Variants in KIF13B observed in about 807,000 individuals in gnomAD.
The protein encoded by KIF13B is kinesin family member 13B, also known as kinesin-like protein KIF13B.
A neutral mutation model predicts 222.0 loss-of-function variants in KIF13B; 127 were observed. The observed-to-expected ratio is 0.57, with a 90% CI of 0.50 to 0.66. The LOEUF is 0.66. Ranked by LOEUF, KIF13B falls within the 30% of genes least tolerant of loss-of-function variation. The probability of loss-of-function intolerance (pLI) is 0.00; values close to 1 mark genes in which losing one functional copy is unlikely to be tolerated. For synonymous variants in KIF13B, 976 were observed against 919.0 expected (o/e 1.06, Z -1.12); for missense variants, 2,173 against 2,379.0 (o/e 0.91, Z 1.80).
Position 29,068,539 on chromosome 8 carries a change from C to T in KIF13B, c.*1965G>A, listed in dbSNP as rs1260854107. Reference sequence around the variant, plus strand: ...CAAACCGATGGTAAAAAGCACGACACACACGTCCCCCAGGACTTTCCCAAG... The same window carrying T: ...CAAACCGATGGTAAAAAGCACGACATACACGTCCCCCAGGACTTTCCCAAG... On this transcript the variant is annotated 3_prime_UTR_variant, in exon 40 of 40. Transcript: ENST00000524189. This position sits in a 1 kb window ranked among gnomAD's most constrained non-coding sequence, Gnocchi z 4.4. The T allele has an allele frequency of 6.6e-6, 1 of 152,450 alleles. No individual in the cohort carries two copies. Among genetic ancestry groups the T allele is most frequent in the Non-Finnish European group, 1.5e-5 (1 of 68,114 alleles). The allele number at this position is 152,450 out of a possible 1,614,324, so 9.4% of individuals were successfully genotyped here. A position where few individuals can be genotyped will look rare whatever the true frequency, so the allele number is the denominator to read the frequency against.
chr8:29,204,536 T>C (rs1813842032), intron 2 of KIF13B, among the ~76,000 whole-genome samples: 1 of 152,174 alleles, frequency 6.6e-6, no homozygotes, highest in Non-Finnish European at 1.5e-5. Context: ...GACCCCCATC[T>C]CTATAAAAAT....
chr8:29,248,883 A>G (rs1816157588), intron 1 of KIF13B, among the ~76,000 whole-genome samples: 1 of 152,214 alleles, frequency 6.6e-6, no homozygotes, highest in South Asian at 2.1e-4. Context: ...CCAAGGAGTG[A>G]CTGCTAACAG....
intron 7 of KIF13B, among the ~76,000 whole-genome samples, 166 bp downstream of exon 7, chr8:29,181,753 C>T (rs568477292): frequency 1.3e-5 from 2 of 152,224 alleles, no homozygotes; most frequent in East Asian, 3.9e-4. Context: ...TATATTTATT[C>T]GCTTGTCTGT....
chr8:29,253,549 C>T (rs900696402), intron 1 of KIF13B, among the ~76,000 whole-genome samples: 3 of 151,978 alleles, frequency 2.0e-5, no homozygotes, highest in Non-Finnish European at 2.9e-5. Flanking sequence ...GAATGAGACT[C>T]CATCTCTAAA....
Position 29,132,369 on chromosome 8 carries a change from TC to T in KIF13B, c.2880del (p.Asn962ThrfsTer24). 1 of 1,594,070 alleles carries T rather than the reference TC, an allele frequency of 6.3e-7. No individual in the cohort carries two copies. The highest frequency in any genetic ancestry group is 8.6e-7 in the Non-Finnish European group (1 of 1,169,322). ...CCCAAATCCCACAGGGCGGGGTTTTTCCGGGGATCGTTTATTTTATGTCCAT... is the reference window on the plus strand; with the variant it reads ...CCCAAATCCCACAGGGCGGGGTTTTTCGGGGATCGTTTATTTTATGTCCAT... ...EVYGHKINDP[R>X]KNPALWDLGI... On this transcript the variant is annotated frameshift_variant, in exon 23 of 40. Coordinates refer to ENST00000524189, the MANE Select transcript of KIF13B (RefSeq NM_015254.4). LOFTEE classifies it high-confidence loss of function.
intron 2 of KIF13B, among the ~76,000 whole-genome samples, chr8:29,222,328 C>G (rs1814790676): frequency 6.6e-6 from 1 of 152,100 alleles, no homozygotes; most frequent in Non-Finnish European, 1.5e-5. Flanking sequence ...GCACTGCACT[C>G]CAGCTGGGTG....
Position 29,071,514 on chromosome 8 carries a change from G to A in KIF13B, c.5218+106C>T, listed in dbSNP as rs1371936642. The A allele has an allele frequency of 1.4e-5, 15 of 1,046,096 alleles. 1 individual carries two copies. In the South Asian group the frequency reaches 1.5e-4, roughly 11 times the overall value. 64.8% of individuals were successfully genotyped at this position (1,046,096 alleles called of 1,614,324 possible). ...AGCTTCAGCCAAGCCGCTGCCTCCCGGCCCCTCCCTCTCCTGCCCGGACCC... is the reference window on the plus strand; with the variant it reads ...AGCTTCAGCCAAGCCGCTGCCTCCCAGCCCCTCCCTCTCCTGCCCGGACCC... On this transcript the variant is annotated intron_variant, in intron 39 of 39. Coordinates refer to ENST00000524189, the MANE Select transcript of KIF13B (RefSeq NM_015254.4). This position sits in a 1 kb window ranked among gnomAD's most constrained non-coding sequence, Gnocchi z 4.9.
chr8:29,196,144 A>G lies in KIF13B; in HGVS notation c.162+43T>C, dbSNP rs1011349362. On this transcript the variant is annotated intron_variant, in intron 3 of 39. Transcript: ENST00000524189. ...CTTCTAAGAGTTCAACAACATGCAT[A>G]TAAGATCTTTACAAGCATCACATAA... is the stretch of plus-strand genomic sequence containing the variant. 5.3e-6 allele frequency: 8 copies of G among 1,517,704 alleles called. No homozygotes were observed. The African/African-American group carries it at 9.7e-5, about 18-fold the overall frequency. The allele number at this position is 1,517,704 out of a possible 1,614,324, so 94.0% of individuals were successfully genotyped here.
At chr8:29,139,665 G>A (rs1021810874) in intron 21 of KIF13B, among the ~76,000 whole-genome samples, 3 of 152,154 alleles carry the variant, frequency 2.0e-5, no homozygotes, top group African/African-American at 7.2e-5. Context: ...TCTAGGATGA[G>A]CTATGAATTA....
At chr8:29,073,343 C>T (rs1302623179) in intron 38 of KIF13B, among the ~76,000 whole-genome samples, 1 of 152,250 alleles carries the variant, frequency 6.6e-6, no homozygotes, top group East Asian at 1.9e-4. Flanking sequence ...CTCCTCATGT[C>T]GGTCACTCTG....
intron 21 of KIF13B, among the ~76,000 whole-genome samples, chr8:29,139,811 C>T (rs1290724228): frequency 6.6e-6 from 1 of 152,126 alleles, no homozygotes; most frequent in Non-Finnish European, 1.5e-5. Context: ...TCTCAGCCAC[C>T]AGCAGGTCTG....
Position 29,147,599 on chromosome 8 carries a change from G to A in KIF13B, c.1817C>T (p.Pro606Leu), listed in dbSNP as rs750470565. 11 of 1,607,042 alleles carry A rather than the reference G, an allele frequency of 6.8e-6. No homozygotes were observed. The Admixed American group carries it at 1.3e-4, about 20-fold the overall frequency. Reference sequence around the variant, plus strand: ...TAAGCTGTTTAATATGGACTGCATCGGATCTAAACACATTTTTAAAAAAGA... The same window carrying A: ...TAAGCTGTTTAATATGGACTGCATCAGATCTAAACACATTTTTAAAAAAGA... The part of the protein sequence containing the change: ...VTMKALGSND[P>L]MQSILNSLEQ... The change falls in exon 17 of 40, where the codon CCG becomes CTG. Residue 606 changes from proline to leucine, a missense_variant. Physicochemically the swap from Pro to Leu is moderately conservative, Grantham distance 98. Coordinates refer to ENST00000524189, the MANE Select transcript of KIF13B (RefSeq NM_015254.4).
chr8:29,244,306 C>T (rs1322673043), intron 2 of KIF13B, among the ~76,000 whole-genome samples: 1 of 152,236 alleles, frequency 6.6e-6, no homozygotes, highest in Non-Finnish European at 1.5e-5. Context: ...AGCCACTGCG[C>T]CCAGCCCAGT....
Position 29,096,812 on chromosome 8 carries a change from T to C in KIF13B, c.4324+2321A>G, listed in dbSNP as rs76699296. 1.9e-4 allele frequency among the ~76,000 whole-genome samples: 29 copies of C among 152,134 alleles called. No homozygotes were observed. The East Asian group carries it at 2.9e-3, about 15-fold the overall frequency. ...AAGTAGGGTTTCTGAGCAAAGACTT[T>C]AGCAAACAAATACAGGTGTCCAAAA... On this transcript the variant is annotated intron_variant, in intron 36 of 39. Transcript: ENST00000524189.
At chr8:29,150,964 G>C (rs925528053) in intron 14 of KIF13B, among the ~76,000 whole-genome samples, 1 of 152,118 alleles carries the variant, frequency 6.6e-6, no homozygotes, top group Non-Finnish European at 1.5e-5. Flanking sequence ...ATTAAGCTCA[G>C]TGAGGAATCA....
Position 29,070,422 on chromosome 8 carries a change from G to A in KIF13B, c.*82C>T, listed in dbSNP as rs948392317. On this transcript the variant is annotated 3_prime_UTR_variant, in exon 40 of 40. Coordinates refer to ENST00000524189, the MANE Select transcript of KIF13B (RefSeq NM_015254.4). This position sits in a 1 kb window ranked among gnomAD's most constrained non-coding sequence, Gnocchi z 4.1. ...CTGCCCCTGGGGAAGGGGCCACCGG[G>A]CTCCTGGCTCCTCAGGGCTGTCACT... 2 of 1,503,280 alleles carry A rather than the reference G, an allele frequency of 1.3e-6. No individual in the cohort carries two copies. The highest frequency in any genetic ancestry group is 1.4e-5 in the African/African-American group (1 of 72,018). The allele number at this position is 1,503,280 out of a possible 1,614,324, so 93.1% of individuals were successfully genotyped here.
chr8:29,148,764 G>C lies in KIF13B; in HGVS notation c.1626C>G (p.Leu542=). ...ILWGNNHFFR[L]NLPKKKKKAE... is the part of the protein sequence containing the mutation. Reference sequence around the variant, plus strand: ...CTTTCTTTTTCTTTTTAGGCAAATTGAGTCTTGGTGGGAAAAAGAGTATTA... The same window carrying C: ...CTTTCTTTTTCTTTTTAGGCAAATTCAGTCTTGGTGGGAAAAAGAGTATTA... Residue 542 remains leucine, a synonymous_variant, in exon 16 of 40, where the codon CTC becomes CTG. Transcript: ENST00000524189. 6.3e-7 allele frequency: 1 copy of C among 1,586,012 alleles called. No homozygotes were observed. The highest frequency in any genetic ancestry group is 8.6e-7 in the Non-Finnish European group (1 of 1,166,846).
intron 37 of KIF13B, among the ~76,000 whole-genome samples, chr8:29,088,339 T>C (rs886600096): frequency 2.6e-5 from 4 of 152,206 alleles, no homozygotes; most frequent in African/African-American, 9.7e-5. Flanking sequence ...TTTTTTCAAG[T>C]GCCCATGAAG....
chr8:29,214,140 T>C (rs1289389962), intron 2 of KIF13B, among the ~76,000 whole-genome samples: 1 of 152,198 alleles, frequency 6.6e-6, no homozygotes, highest in Non-Finnish European at 1.5e-5. Context: ...GACCATACAC[T>C]ACTGTAGACT....
Sources: gnomAD v4.1 joint callset for allele counts (sites outside exome capture counted in the v4.1 genomes callset) on GRCh38, gnomAD v4.1.1 for gene constraint, Gnocchi (gnomAD v3.1) non-coding constraint, MANE v1.5 for transcripts, NCBI Gene and HGNC (gene_info 2026-07-23, HGNC 2026-07-21) for gene names.